FFAR1: variants seen among roughly 807,000 people sequenced by gnomAD.
FFAR1 encodes the protein free fatty acid receptor 1.
For synonymous variants in FFAR1, 216 were observed against 201.5 expected (o/e 1.07, Z -0.61); for missense variants, 424 against 396.2 (o/e 1.07, Z -0.60).
chr19:35,349,093 C>A (rs2066933864), upstream of FFAR1, among the ~76,000 whole-genome samples: 1 of 152,220 alleles, frequency 6.6e-6, no homozygotes, highest in Non-Finnish European at 1.5e-5. Context: ...CTCTCACAGT[C>A]CTCCCAGGGT....
chr19:35,351,860 C>A, exon 1 of FFAR1: 1 of 1,613,260 alleles, frequency 6.2e-7, no homozygotes, highest in Non-Finnish European at 8.5e-7. Flanking sequence ...TGAGTGCAGG[C>A]CGCTACCTGG....
exon 1 of FFAR1, chr19:35,351,988 C>G (rs543919340): frequency 6.2e-7 from 1 of 1,614,138 alleles, no homozygotes; most frequent in Admixed American, 1.7e-5. Context: ...GGGTTGGAGG[C>G]TCCAGGAGGC....
exon 1 of FFAR1, chr19:35,352,198 A>G (rs2066948435): frequency 6.3e-7 from 1 of 1,599,618 alleles, no homozygotes; most frequent in Non-Finnish European, 8.5e-7. Flanking sequence ...GGCCTGACGC[A>G]CAGGCGGAAG....
chr19:35,351,972 G>A (rs764743429), exon 1 of FFAR1: 4 of 1,614,060 alleles, frequency 2.5e-6, no homozygotes, highest in Non-Finnish European at 3.4e-6. Context: ...CCTGGGTCTG[G>A]TCTTTGGGTT....
exon 1 of FFAR1, chr19:35,351,621 G>A (rs1390150049): frequency 1.3e-6 from 2 of 1,543,258 alleles, no homozygotes; most frequent in Admixed American, 2.0e-5. Context: ...CCCGCTCAAC[G>A]TCCTGGCCAT....
At chr19:35,350,488 G>C (rs1170419762), upstream of FFAR1, among the ~76,000 whole-genome samples, 3 of 152,166 alleles carry the variant, frequency 2.0e-5, no homozygotes, top group Non-Finnish European at 4.4e-5. Context: ...CCCAGCGCAG[G>C]TGTGAACAGG....
At chr19:35,351,879 T>A in exon 1 of FFAR1, 1 of 1,613,782 alleles carries the variant, frequency 6.2e-7, no homozygotes, top group Middle Eastern at 1.7e-4. Context: ...GGGAGCAGCC[T>A]TCCCCTTGGG....
exon 1 of FFAR1, chr19:35,353,048 G>T: frequency 6.9e-6 from 1 of 144,230 alleles, no homozygotes; most frequent in South Asian, 2.1e-4. Context: ...CTACGGAGTT[G>T]ACTCTTGAAC....
chr19:35,352,555 C>G, exon 1 of FFAR1: 1 of 1,324,234 alleles, frequency 7.6e-7, no homozygotes, highest in Non-Finnish European at 1.0e-6. Context: ...CAGCCTGGCC[C>G]GGAGGCCTCC....
chr19:35,350,296 TA>T (rs920850233), upstream of FFAR1, among the ~76,000 whole-genome samples: 2 of 152,076 alleles, frequency 1.3e-5, no homozygotes, highest in African/African-American at 4.8e-5. Context: ...TCGCAAAAAC[TA>T]AAACAAGCCC....
Position 35,351,905 on chromosome 19 carries a change from G to GA in FFAR1, c.355dup (p.Arg119LysfsTer154), listed in dbSNP as rs2066946515. The GA allele has an allele frequency of 6.2e-7, 1 of 1,613,936 alleles. No individual in the cohort carries two copies. Among genetic ancestry groups the GA allele is most frequent in the Non-Finnish European group, 8.5e-7 (1 of 1,179,982 alleles). On this transcript the variant is annotated frameshift_variant, in exon 1 of 1. Coordinates refer to ENST00000246553, the Ensembl canonical transcript of FFAR1. LOFTEE classifies it low-confidence loss of function (END_TRUNC). ...TCCCCTTGGGCTACCAAGCCTTCCG[G>GA]AGGCCGTGCTATTCCTGGGGGGTGT...
chr19:35,351,644 G>A (rs1274698319), exon 1 of FFAR1: 8 of 1,547,660 alleles, frequency 5.2e-6, no homozygotes, highest in East Asian at 2.4e-5. Flanking sequence ...GAGGCGCGAC[G>A]GCCCACGCCC....
chr19:35,348,689 C>A (rs2066931764), upstream of FFAR1, among the ~76,000 whole-genome samples: 1 of 152,180 alleles, frequency 6.6e-6, no homozygotes. Flanking sequence ...TCAACTCTTT[C>A]TTCATTCATT....
chr19:35,348,926 C>T (rs1367878108), upstream of FFAR1, among the ~76,000 whole-genome samples: 1 of 152,228 alleles, frequency 6.6e-6, no homozygotes, highest in Non-Finnish European at 1.5e-5. Context: ...CCCTGTCCCT[C>T]AGCACAGCTG....
At chr19:35,348,555 C>T (rs184503719), upstream of FFAR1, among the ~76,000 whole-genome samples, 7 of 152,302 alleles carry the variant, frequency 4.6e-5, no homozygotes, top group Admixed American at 3.3e-4. Flanking sequence ...GCCGAGATCA[C>T]GCCACTGCAC....
upstream of FFAR1, among the ~76,000 whole-genome samples, chr19:35,349,311 G>A (rs2066934873): frequency 6.6e-6 from 1 of 152,236 alleles, no homozygotes; most frequent in South Asian, 2.1e-4. Context: ...CTCGGAGAAG[G>A]TGACCTTGGG....
chr19:35,351,613 C>G (rs1048730488), exon 1 of FFAR1: 1 of 1,542,292 alleles, frequency 6.5e-7, no homozygotes, highest in South Asian at 1.2e-5. Flanking sequence ...CTGGGCTTCC[C>G]GCTCAACGTC....
At chr19:35,351,545 C>T (rs994395390), upstream of FFAR1, 18 of 1,539,014 alleles carry the variant, frequency 1.2e-5, no homozygotes, top group South Asian at 3.6e-5. Context: ...GCCAGGACGG[C>T]GGCCCCATGG....
chr19:35,351,426 G>GT, upstream of FFAR1: 1 of 806,076 alleles, frequency 1.2e-6, no homozygotes, highest in Non-Finnish European at 2.0e-6. Flanking sequence ...CAGGTGAATT[G>GT]TAATTCTCCA....
Sources: gnomAD v4.1 joint callset for allele counts (sites outside exome capture counted in the v4.1 genomes callset) on GRCh38, gnomAD v4.1.1 for gene constraint, MANE v1.5 for transcripts, NCBI Gene and HGNC (gene_info 2026-07-23, HGNC 2026-07-21) for gene names.